The following MLLT3 variants were observed in gnomAD, a reference collection of about 807,000 sequenced individuals.
MLLT3 encodes the protein protein AF-9.
In MLLT3, 4 loss-of-function variants were observed where a neutral mutation model predicts 53.2. That is an observed-to-expected ratio of 0.08 (90% confidence interval 0.04 to 0.17). The LOEUF (loss-of-function observed/expected upper bound fraction) is 0.17. Among genes scored for constraint, MLLT3 ranks in the 10% least tolerant of loss-of-function variants. The pLI is 1.00. For missense variants in MLLT3, 569 were observed against 684.0 expected (o/e 0.83, Z 1.87); for synonymous variants, 283 against 230.6 (o/e 1.23, Z -2.06).
chr9:20,548,309 G>A (rs2119023406), intron 2 of MLLT3, among the ~76,000 whole-genome samples: 3 of 152,302 alleles, frequency 2.0e-5, no homozygotes, highest in Middle Eastern at 6.8e-3. Flanking sequence ...ATCTTCTCCA[G>A]TTCTCTGACA....
intron 2 of MLLT3, among the ~76,000 whole-genome samples, chr9:20,488,192 AG>A (rs1824859791): frequency 2.0e-5 from 3 of 152,112 alleles, no homozygotes; most frequent in Admixed American, 2.0e-4. Context: ...AGTGGTTGCC[AG>A]GGGTCAGAAG....
intron 5 of MLLT3, among the ~76,000 whole-genome samples, chr9:20,412,785 G>C (rs1304000713): frequency 6.6e-6 from 1 of 152,198 alleles, no homozygotes; most frequent in African/African-American, 2.4e-5. Flanking sequence ...AGAAAAAATA[G>C]TGAAGTAAGG....
chr9:20,504,146 G>T (rs115373918), intron 2 of MLLT3, among the ~76,000 whole-genome samples: 3,337 of 152,162 alleles, frequency 0.022, 112 homozygotes, highest in African/African-American at 0.075. Flanking sequence ...AAATTTTAAG[G>T]TTCCTCAAAA....
At chr9:20,398,108 AT>A (rs927548062) in intron 5 of MLLT3, among the ~76,000 whole-genome samples, 1 of 151,432 alleles carries the variant, frequency 6.6e-6, no homozygotes, top group Non-Finnish European at 1.5e-5. Flanking sequence ...TTAATTTTTA[AT>A]TTTTTTTTAT....
intron 2 of MLLT3, among the ~76,000 whole-genome samples, chr9:20,492,913 A>C (rs1824985255): frequency 6.6e-6 from 1 of 151,994 alleles, no homozygotes; most frequent in African/African-American, 2.4e-5. Context: ...AGAAGTTTAG[A>C]GTTGTTTAGG....
At chr9:20,488,277 GGATAGT>G (rs1824862491) in intron 2 of MLLT3, among the ~76,000 whole-genome samples, 1 of 151,962 alleles carries the variant, frequency 6.6e-6, no homozygotes. Flanking sequence ...CTCTGAGGAT[GGATAGT>G]GATAATGACT....
intron 4 of MLLT3, among the ~76,000 whole-genome samples, chr9:20,440,173 G>C (rs1450610365): frequency 6.6e-6 from 1 of 152,096 alleles, no homozygotes; most frequent in Non-Finnish European, 1.5e-5. Context: ...GCTTATTTTA[G>C]ATTTATACAA....
At position 20,403,281 on chromosome 9, in the gene MLLT3, G is replaced by A. The variant is rs117973743; in HGVS notation, c.1125+10440C>T. On this transcript the variant is annotated intron_variant, in intron 5 of 10. Coordinates refer to ENST00000380338, the MANE Select transcript of MLLT3 (RefSeq NM_004529.4). ...CATGAAATAAATGCTGTATAAAACT[G>A]TATGTGATTTCTAAATTTGGTCTTA... 1.8e-3 allele frequency among the ~76,000 whole-genome samples: 277 copies of A among 152,278 alleles called. 5 individuals carry two copies. In the East Asian group the frequency reaches 0.029, roughly 16 times the overall value.
chr9:20,460,245 T>G (rs1824075015), intron 2 of MLLT3, among the ~76,000 whole-genome samples: 1 of 152,210 alleles, frequency 6.6e-6, no homozygotes, highest in South Asian at 2.1e-4. Flanking sequence ...ACCCTGAAAC[T>G]AATTCTTCCT....
intron 2 of MLLT3, among the ~76,000 whole-genome samples, chr9:20,565,034 T>C (rs191619680): frequency 6.6e-6 from 1 of 152,242 alleles, no homozygotes; most frequent in African/African-American, 2.4e-5. Flanking sequence ...ATCTTTCAAA[T>C]ATGATATCAC....
chr9:20,577,976 C>G (rs575900102), intron 2 of MLLT3, among the ~76,000 whole-genome samples: 5 of 152,302 alleles, frequency 3.3e-5, no homozygotes, highest in African/African-American at 1.2e-4. Flanking sequence ...TTCCCAGTAT[C>G]AAATCTCTCC....
At chr9:20,491,609 A>G (rs1824950111) in intron 2 of MLLT3, among the ~76,000 whole-genome samples, 1 of 152,172 alleles carries the variant, frequency 6.6e-6, no homozygotes, top group South Asian at 2.1e-4. Flanking sequence ...AAAAATTTAA[A>G]AAGAATTTGA....
At chr9:20,348,295 A>C (rs1563930994) in intron 10 of MLLT3, among the ~76,000 whole-genome samples, 2 of 152,140 alleles carry the variant, frequency 1.3e-5, no homozygotes, top group Non-Finnish European at 2.9e-5. Flanking sequence ...GCCTCCCCAG[A>C]CCTACTTGCA....
chr9:20,582,373 C>G (rs1306535353), intron 2 of MLLT3, among the ~76,000 whole-genome samples: 1 of 152,178 alleles, frequency 6.6e-6, no homozygotes, highest in Non-Finnish European at 1.5e-5. Context: ...AAAAATCCCA[C>G]CATGTTCTAC....
intron 2 of MLLT3, among the ~76,000 whole-genome samples, chr9:20,503,558 G>T (rs570070708): frequency 4.9e-4 from 75 of 152,192 alleles, no homozygotes; most frequent in African/African-American, 1.8e-3. Flanking sequence ...ATGGACTAAA[G>T]ATTCAAATGT....
At chr9:20,500,766 CTG>C (rs1253759358) in intron 2 of MLLT3, among the ~76,000 whole-genome samples, 1 of 152,120 alleles carries the variant, frequency 6.6e-6, no homozygotes, top group Admixed American at 6.5e-5. Context: ...TCCAGGTGTT[CTG>C]TGTTACAAAA....
In MLLT3 at chr9:20,345,799, T is replaced by TC. The variant is rs1820850486; in HGVS notation, c.*643dup. On this transcript the variant is annotated 3_prime_UTR_variant, in exon 11 of 11. Transcript: ENST00000380338. ...GAAGAAAATCAAGGTGGCTATTTGG[T>TC]CCCCCCAGTTGATAATCTGTGTCCT... The TC allele has an allele frequency of 4.5e-6, 1 of 222,000 alleles. No individual in the cohort carries two copies. The highest frequency in any genetic ancestry group is 6.5e-5 in the East Asian group (1 of 15,326). 13.8% of individuals were successfully genotyped at this position (222,000 alleles called of 1,614,324 possible).
chr9:20,543,982 T>G (rs983695119), intron 2 of MLLT3, among the ~76,000 whole-genome samples: 1 of 152,088 alleles, frequency 6.6e-6, no homozygotes, highest in Non-Finnish European at 1.5e-5. Flanking sequence ...GAATCAAAAC[T>G]GTGTAGTACT....
At chr9:20,574,475 G>A (rs1230912958) in intron 2 of MLLT3, among the ~76,000 whole-genome samples, 1 of 152,120 alleles carries the variant, frequency 6.6e-6, no homozygotes, top group African/African-American at 2.4e-5. Context: ...ACAATTTTTT[G>A]GGTTTCTGAG....
Sources: gnomAD v4.1 joint callset for allele counts (sites outside exome capture counted in the v4.1 genomes callset) on GRCh38, gnomAD v4.1.1 for gene constraint, MANE v1.5 for transcripts, NCBI Gene and HGNC (gene_info 2026-07-23, HGNC 2026-07-21) for gene names.